CHRM3: variants seen among roughly 807,000 people sequenced by gnomAD.
CHRM3 encodes the protein muscarinic acetylcholine receptor M3.
CHRM3 carries 11 observed loss-of-function variants against 41.8 expected under a neutral mutation model. That is an observed-to-expected ratio of 0.26 (90% confidence interval 0.17 to 0.44). The LOEUF (loss-of-function observed/expected upper bound fraction) is 0.44. CHRM3 is among the 20% of genes least tolerant of loss of function. The pLI is 1.00. For missense variants in CHRM3, 571 were observed against 745.4 expected (o/e 0.77, Z 2.72); for synonymous variants, 297 against 301.4 (o/e 0.99, Z 0.15).
chr1:239,651,000 G>A (rs988531894), intron 4 of CHRM3, among the ~76,000 whole-genome samples: 6 of 152,124 alleles, frequency 3.9e-5, no homozygotes, highest in Admixed American at 1.3e-4. Context: ...ATAATATCAT[G>A]TGTTTTGATT....
chr1:239,877,104 TAC>T (rs1416146261), intron 6 of CHRM3, among the ~76,000 whole-genome samples: 1 of 152,192 alleles, frequency 6.6e-6, no homozygotes, highest in African/African-American at 2.4e-5. Context: ...AACCCAGACA[TAC>T]ACACACAGAG....
intron 3 of CHRM3, among the ~76,000 whole-genome samples, chr1:239,585,790 T>C (rs1408898191): frequency 6.6e-6 from 1 of 152,204 alleles, no homozygotes; most frequent in African/African-American, 2.4e-5. Context: ...TTGTAAAATA[T>C]AGTCAGCCAT....
chr1:239,388,271 C>T (rs1000979685), intron 1 of CHRM3, among the ~76,000 whole-genome samples: 11 of 152,178 alleles, frequency 7.2e-5, no homozygotes, highest in African/African-American at 2.7e-4. Context: ...AAGGGCGGCC[C>T]TCTTTAGGAC....
chr1:239,683,080 C>T (rs6692711), intron 5 of CHRM3, among the ~76,000 whole-genome samples: 28,617 of 151,984 alleles, frequency 0.19, 3,191 homozygotes, highest in South Asian at 0.29. Flanking sequence ...CATCAAGACT[C>T]ATTCCCCCTT....
chr1:239,490,727 A>T (rs939187464), intron 1 of CHRM3, among the ~76,000 whole-genome samples: 1 of 151,656 alleles, frequency 6.6e-6, no homozygotes, highest in African/African-American at 2.4e-5. Flanking sequence ...AAGCTCAGTT[A>T]ATTTTGTATT....
chr1:239,414,008 T>C (rs903956640), intron 1 of CHRM3, among the ~76,000 whole-genome samples: 1 of 152,178 alleles, frequency 6.6e-6, no homozygotes, highest in African/African-American at 2.4e-5. Context: ...CCAGGGTTCC[T>C]GATGGAAAGA....
At chr1:239,776,581 A>C (rs1266297700) in intron 5 of CHRM3, among the ~76,000 whole-genome samples, 1 of 152,196 alleles carries the variant, frequency 6.6e-6, no homozygotes, top group African/African-American at 2.4e-5. Flanking sequence ...AGAGATGAAA[A>C]GAAAAGAAGG....
rs372816576 is a variant in CHRM3, at chr1:239,537,508, C to T, written c.-421-8133C>T. Among the ~76,000 whole-genome samples, 27 of 152,180 alleles carry T rather than the reference C, an allele frequency of 1.8e-4. No individual in the cohort carries two copies. The East Asian group carries it at 2.7e-3, about 15-fold the overall frequency. ...CATGAACCAAACTTCTCCCACCAGGCCCCACCTGCAACGCTGGGGATTCCA... is the reference window on the plus strand; with the variant it reads ...CATGAACCAAACTTCTCCCACCAGGTCCCACCTGCAACGCTGGGGATTCCA... On this transcript the variant is annotated intron_variant, in intron 2 of 6. Transcript: ENST00000676153.
chr1:239,482,391 G>A (rs76206319), intron 1 of CHRM3, among the ~76,000 whole-genome samples: 4,593 of 152,264 alleles, frequency 0.03, 177 homozygotes, highest in African/African-American at 0.086. Flanking sequence ...AACCAAAAGA[G>A]TTTTCAAGCT....
intron 5 of CHRM3, among the ~76,000 whole-genome samples, chr1:239,799,186 C>G (rs1006221654): frequency 6.6e-6 from 1 of 152,114 alleles, no homozygotes; most frequent in Non-Finnish European, 1.5e-5. Context: ...AGCAGAAGAC[C>G]TTCCAGAAGG....
intron 5 of CHRM3, among the ~76,000 whole-genome samples, chr1:239,686,240 G>A (rs116449563): frequency 0.013 from 1,939 of 152,210 alleles, 54 homozygotes; most frequent in African/African-American, 0.045. Context: ...GCCTATAGGC[G>A]CTTTGTTCTA....
intron 5 of CHRM3, among the ~76,000 whole-genome samples, chr1:239,779,111 G>T (rs1668320178): frequency 6.6e-6 from 1 of 152,010 alleles, no homozygotes; most frequent in African/African-American, 2.4e-5. Context: ...TGTGGGATTT[G>T]GTGTTTTTTA....
At chr1:239,708,424 G>A (rs149707406) in intron 5 of CHRM3, among the ~76,000 whole-genome samples, 38 of 152,240 alleles carry the variant, frequency 2.5e-4, no homozygotes, top group African/African-American at 9.2e-4. Flanking sequence ...TTGCACAGTA[G>A]CTGGAGTCGT....
rs1678452065 is a variant in CHRM3, at chr1:239,890,381, T to C, written c.-19-17052T>C. Among the ~76,000 whole-genome samples the C allele has an allele frequency of 1.3e-5, 2 of 151,968 alleles. 1 individual carries two copies. Among genetic ancestry groups the C allele is most frequent in the South Asian group, 4.2e-4 (2 of 4,814 alleles). ...AAAAAGAAAAATGGAGAGTGTGTTT[T>C]AGTTTTAGAGTTTGGCATACACAGT... On this transcript the variant is annotated intron_variant, in intron 6 of 6. Coordinates refer to ENST00000676153, the MANE Select transcript of CHRM3 (RefSeq NM_001375978.1).
At chr1:239,590,183 T>A (rs1179354738) in intron 3 of CHRM3, among the ~76,000 whole-genome samples, 1 of 152,188 alleles carries the variant, frequency 6.6e-6, no homozygotes, top group East Asian at 1.9e-4. Context: ...GCTCTGGGAA[T>A]CCCTAGCTAC....
At chr1:239,752,468 TATTAA>T (rs1375283943) in intron 5 of CHRM3, among the ~76,000 whole-genome samples, 6 of 152,222 alleles carry the variant, frequency 3.9e-5, no homozygotes, top group African/African-American at 1.4e-4. Context: ...TTTTTTCTCT[TATTAA>T]ATTAGTGAGT....
chr1:239,857,807 GT>G (rs1675245688), intron 6 of CHRM3, among the ~76,000 whole-genome samples: 1 of 152,042 alleles, frequency 6.6e-6, no homozygotes, highest in South Asian at 2.1e-4. Context: ...AAAATAATTT[GT>G]TAGCCAACAA....
intron 3 of CHRM3, among the ~76,000 whole-genome samples, chr1:239,601,750 G>T (rs1665565387): frequency 6.6e-6 from 1 of 152,074 alleles, no homozygotes; most frequent in Non-Finnish European, 1.5e-5. Flanking sequence ...TGCTTCTGTG[G>T]CTGCTCTTAT....
chr1:239,565,974 G>A (rs1017305985), intron 3 of CHRM3, among the ~76,000 whole-genome samples: 17 of 139,886 alleles, frequency 1.2e-4, no homozygotes, highest in African/African-American at 3.6e-4. Flanking sequence ...GAGTGCAGTC[G>A]TGTGATCATG....
Sources: gnomAD v4.1 joint callset for allele counts (sites outside exome capture counted in the v4.1 genomes callset) on GRCh38, gnomAD v4.1.1 for gene constraint, MANE v1.5 for transcripts, NCBI Gene and HGNC (gene_info 2026-07-23, HGNC 2026-07-21) for gene names.